The following ANKRD26 variants were observed in gnomAD, a reference collection of about 807,000 sequenced individuals.
ANKRD26 encodes the protein ankyrin repeat domain-containing protein 26.
Under a neutral mutation model 208.7 loss-of-function variants are expected in ANKRD26, and 141 were observed. The ratio of observed to expected loss-of-function variants is 0.68; its 90% CI spans 0.59 to 0.78. The LOEUF is 0.78. ANKRD26 is among the 30% of genes least tolerant of loss of function. ANKRD26 has a pLI of 0.00. For synonymous variants in ANKRD26, 636 were observed against 660.4 expected (o/e 0.96, Z 0.57); for missense variants, 1,889 against 1,938.7 (o/e 0.97, Z 0.48).
At chr10:27,012,807 G>A (rs547817560) in intron 32 of ANKRD26, 75 bp downstream of exon 32, 3 of 1,444,130 alleles carry the variant, frequency 2.1e-6, no homozygotes, top group Non-Finnish European at 2.9e-6. Context: ...GTAAAACGCT[G>A]TCTCAAAAAA....
At chr10:26,993,622 C>T (rs916607239) in intron 5 of ANKRD26, among the ~76,000 whole-genome samples, 4 of 152,168 alleles carry the variant, frequency 2.6e-5, no homozygotes, top group Non-Finnish European at 5.9e-5. Context: ...CTGGACCTTT[C>T]CTCTGAAAAC....
chr10:27,080,534 T>C (rs1032799860), intron 6 of ANKRD26: 2 of 729,722 alleles, frequency 2.7e-6, no homozygotes, highest in African/African-American at 3.8e-5. Context: ...TAAAAATCTT[T>C]ACAGGCACTC....
At chr10:27,044,602 AC>A (rs762617848) in intron 18 of ANKRD26, among the ~76,000 whole-genome samples, 55 of 152,152 alleles carry the variant, frequency 3.6e-4, no homozygotes, top group Non-Finnish European at 7.4e-4. Flanking sequence ...ATTACTTAAC[AC>A]CCTTACATGA....
chr10:27,071,873 G>A (rs1309836729), intron 9 of ANKRD26, among the ~76,000 whole-genome samples: 2 of 152,122 alleles, frequency 1.3e-5, no homozygotes, highest in Non-Finnish European at 2.9e-5. Context: ...AGAAAAAGCG[G>A]CATCCCCATA....
rs774047533 is a variant in ANKRD26 at position 27,017,794 on chromosome 10, T to G, written c.4216-2A>C. 8.7e-6 allele frequency: 14 copies of G among 1,611,382 alleles called. No homozygotes were observed. The highest frequency in any genetic ancestry group is 1.1e-5 in the Non-Finnish European group (13 of 1,179,566). On this transcript the variant is annotated splice_acceptor_variant, in intron 29 of 33. Coordinates refer to ENST00000376087, the MANE Select transcript of ANKRD26 (RefSeq NM_014915.3). LOFTEE classifies it high-confidence loss of function. ...CAGTTCTGCTGTAAGATCATCAATC[T>G]GAATGAAGACAATAATATAGTGTAA...
intron 18 of ANKRD26, 89 bp from the exon 19 acceptor site, chr10:27,044,279 T>G: frequency 8.6e-7 from 1 of 1,157,792 alleles, no homozygotes; most frequent in Non-Finnish European, 1.2e-6. Context: ...ATAAAAGCTC[T>G]GCATTTGTAA....
At position 27,029,378 on chromosome 10, in the gene ANKRD26, A is replaced by C. The variant is rs756355106; in HGVS notation, c.3808-22T>G. On this transcript the variant is annotated intron_variant, in intron 25 of 33. Transcript: ENST00000376087. ...GCAACTAAAACAAAGAATAAAAAAA[A>C]CCCACTTTACTAATAATCTAGTACA... The C allele has an allele frequency of 6.9e-6, 11 of 1,602,582 alleles. No homozygotes were observed. The African/African-American group carries it at 8.0e-5, about 12-fold the overall frequency.
intron 5 of ANKRD26, among the ~76,000 whole-genome samples, chr10:26,978,977 C>T (rs1420630305): frequency 1.3e-5 from 2 of 152,164 alleles, no homozygotes; most frequent in African/African-American, 2.4e-5. Flanking sequence ...AATCCCAGCA[C>T]TTTGGGAGGC....
chr10:27,059,863 C>T (rs1282672880), intron 15 of ANKRD26, among the ~76,000 whole-genome samples: 1 of 149,494 alleles, frequency 6.7e-6, no homozygotes, highest in Non-Finnish European at 1.5e-5. Flanking sequence ...CCACTGCACT[C>T]TAGCCTGGGC....
chr10:27,091,165 C>T lies in ANKRD26; in HGVS notation c.638+1241G>A, dbSNP rs184157569. Among the ~76,000 whole-genome samples the T allele has an allele frequency of 2.0e-3, 311 of 152,188 alleles. 1 individual carries two copies. The highest frequency in any genetic ancestry group is 3.7e-3 in the Non-Finnish European group (249 of 68,014). On this transcript the variant is annotated intron_variant, in intron 4 of 33. Transcript: ENST00000376087. ...AGTTTCAGCCAATGATGCTGATAAG[C>T]GTGGGCTAGGCACTGAATCAAATGC... is the stretch of plus-strand genomic sequence containing the variant.
intron 16 of ANKRD26, among the ~76,000 whole-genome samples, chr10:27,049,722 GA>G (rs1391628982): frequency 2.0e-5 from 3 of 152,132 alleles, no homozygotes; most frequent in Non-Finnish European, 1.5e-5. Context: ...ATTAAAACAA[GA>G]AAGATTAAAT....
At chr10:26,969,023 C>T (rs572620253), downstream of ANKRD26, among the ~76,000 whole-genome samples, 33 of 152,230 alleles carry the variant, frequency 2.2e-4, no homozygotes, top group African/African-American at 7.9e-4. Context: ...CCAAGAAGTT[C>T]CTTAGGGATC....
intron 4 of ANKRD26, among the ~76,000 whole-genome samples, chr10:27,087,376 ATTT>A (rs1284472521): frequency 6.6e-6 from 1 of 152,214 alleles, no homozygotes; most frequent in Non-Finnish European, 1.5e-5. Context: ...AAATGGAATA[ATTT>A]GTTCCTGAAT....
At chr10:26,977,604 T>C (rs890460950) in intron 5 of ANKRD26, among the ~76,000 whole-genome samples, 4 of 152,366 alleles carry the variant, frequency 2.6e-5, no homozygotes, top group Non-Finnish European at 5.9e-5. Context: ...ACGTTTATAA[T>C]GCATCTCTTA....
At chr10:27,093,650 T>G in intron 2 of ANKRD26, 35 bp downstream of exon 2, 1 of 1,603,170 alleles carries the variant, frequency 6.2e-7, no homozygotes, top group South Asian at 1.1e-5. Context: ...TTAAGTCAAA[T>G]CCATCTGATG....
At position 26,995,075 on chromosome 10, in the gene ANKRD26, G is replaced by A. The variant is rs1242846225; in HGVS notation, c.637C>T (p.Gln213Ter). 7 of 470,994 alleles carry A rather than the reference G, an allele frequency of 1.5e-5. No homozygotes were observed. Among genetic ancestry groups the A allele is most frequent in the Admixed American group, 7.0e-5 (3 of 42,560 alleles). The allele number at this position is 470,994 out of a possible 1,614,324, so 29.2% of individuals were successfully genotyped here. ...TCAGCATTATCCAGTGGCATCTATT[G>A]CAGGTCTGTCCTGGAAGTGAGACAT... The change falls in exon 5 of 6, where the codon CAA becomes TAA. Residue 213 changes from glutamine to a stop codon, truncating the protein, a stop_gained. Coordinates refer to the ANKRD26 transcript ENST00000445828. LOFTEE classifies it high-confidence loss of function.
intron 18 of ANKRD26, among the ~76,000 whole-genome samples, chr10:27,045,474 T>A (rs1359051853): frequency 6.6e-6 from 1 of 152,028 alleles, no homozygotes; most frequent in Non-Finnish European, 1.5e-5. Flanking sequence ...AATGACACTA[T>A]TAGCATAAGG....
intron 18 of ANKRD26, among the ~76,000 whole-genome samples, chr10:27,044,520 GTTT>G (rs764984446): frequency 7.0e-6 from 1 of 143,708 alleles, no homozygotes; most frequent in Admixed American, 7.0e-5. Context: ...AATATACCAG[GTTT>G]TTTTTTTTTG....
intron 20 of ANKRD26, 112 bp downstream of exon 20, chr10:27,043,306 CAGCATCAT>C: frequency 9.3e-7 from 1 of 1,070,608 alleles, no homozygotes; most frequent in Non-Finnish European, 1.4e-6. Context: ...TGCACAGTGG[CAGCATCAT>C]AGCCACCAAT....
Sources: allele counts gnomAD v4.1 joint callset (sites outside exome capture counted in the v4.1 genomes callset), GRCh38; gene constraint gnomAD v4.1.1; transcripts MANE v1.5; gene names NCBI Gene and HGNC (gene_info 2026-07-23, HGNC 2026-07-21).